HS2ST1: variants seen among roughly 807,000 people sequenced by gnomAD.
HS2ST1 encodes the protein heparan sulfate 2-O-sulfotransferase 1, also known as 2-O-sulfotransferase.
Under a neutral mutation model 42.9 loss-of-function variants are expected in HS2ST1, and 18 were observed. The observed-to-expected ratio is 0.42, with a 90% CI of 0.29 to 0.62. The LOEUF is 0.62. HS2ST1 is among the 20% of genes least tolerant of loss of function. The pLI is 0.21. For synonymous variants in HS2ST1, 146 were observed against 152.9 expected (o/e 0.95, Z 0.33); for missense variants, 334 against 433.8 (o/e 0.77, Z 2.04).
chr1:86,936,456 T>C (rs904883334), intron 1 of HS2ST1, among the ~76,000 whole-genome samples: 1 of 152,186 alleles, frequency 6.6e-6, no homozygotes, highest in Non-Finnish European at 1.5e-5. Flanking sequence ...TTCTCTAATA[T>C]CTGACATTAA....
chr1:86,989,507 G>A (rs143392042), intron 1 of HS2ST1, among the ~76,000 whole-genome samples: 2 of 152,252 alleles, frequency 1.3e-5, no homozygotes, highest in African/African-American at 4.8e-5. Flanking sequence ...TAAAAATATT[G>A]CAACATTTTT....
intron 1 of HS2ST1, among the ~76,000 whole-genome samples, chr1:86,951,781 AC>A (rs1647527425): frequency 1.3e-5 from 2 of 151,950 alleles, no homozygotes; most frequent in Non-Finnish European, 2.9e-5. Flanking sequence ...TCAATCTCAA[AC>A]CCTGATGCTG....
At chr1:86,970,164 A>C (rs1648188535) in intron 1 of HS2ST1, among the ~76,000 whole-genome samples, 1 of 152,122 alleles carries the variant, frequency 6.6e-6, no homozygotes. Flanking sequence ...TAAAGAGACA[A>C]CTTTAACATT....
At chr1:87,091,289 G>A (rs549765462) in intron 3 of HS2ST1, among the ~76,000 whole-genome samples, 1 of 152,092 alleles carries the variant, frequency 6.6e-6, no homozygotes, top group South Asian at 2.1e-4. Flanking sequence ...AAGAGAAATA[G>A]AATAAGTATT....
chr1:87,045,662 C>T (rs1650635241), intron 1 of HS2ST1: 2 of 775,208 alleles, frequency 2.6e-6, no homozygotes, highest in Non-Finnish European at 4.8e-6. Flanking sequence ...ATACTGTCAA[C>T]CCAGCAATCA....
In HS2ST1 at chr1:86,978,079, A is replaced by T. The variant is rs762444545; in HGVS notation, c.124+62919A>T. Among the ~76,000 whole-genome samples the T allele has an allele frequency of 1.3e-3, 204 of 152,320 alleles. 2 individuals carry two copies. The highest frequency in any genetic ancestry group is 2.3e-3 in the Non-Finnish European group (154 of 68,020). ...GATACACAAGTACCATTGTGTTACAATTGCCTAAATTTAGTACAGTAACAT... is the reference window on the plus strand; with the variant it reads ...GATACACAAGTACCATTGTGTTACATTTGCCTAAATTTAGTACAGTAACAT... On this transcript the variant is annotated intron_variant, in intron 1 of 6. Transcript: ENST00000370550.
rs530688468 is a variant in HS2ST1, at chr1:86,954,445, T to TA, written c.124+39292dup. Among the ~76,000 whole-genome samples, 571 of 152,306 alleles carry TA rather than the reference T, an allele frequency of 3.7e-3. 7 individuals are homozygous for TA. The highest frequency in any genetic ancestry group is 0.017 in the Middle Eastern group (5 of 294). On this transcript the variant is annotated intron_variant, in intron 1 of 6. Coordinates refer to ENST00000370550, the MANE Select transcript of HS2ST1 (RefSeq NM_012262.4). ...TAGGTTCTTGAATTAAGATTTATGATAAAAAAAGACGTTGATTTGAGAATA... is the reference window on the plus strand; with the variant it reads ...TAGGTTCTTGAATTAAGATTTATGATAAAAAAAAGACGTTGATTTGAGAATA...
At chr1:87,001,296 T>C (rs1157447135) in intron 1 of HS2ST1, among the ~76,000 whole-genome samples, 3 of 152,186 alleles carry the variant, frequency 2.0e-5, no homozygotes, top group Non-Finnish European at 4.4e-5. Context: ...CCATGTAATC[T>C]TCGGGTTAAA....
intron 1 of HS2ST1, among the ~76,000 whole-genome samples, chr1:87,058,452 G>GTT (rs201520079): frequency 6.7e-6 from 1 of 149,462 alleles, no homozygotes; most frequent in South Asian, 2.1e-4. Context: ...GTTTTGTTTT[G>GTT]TTTTTTTTTA....
At chr1:87,053,296 G>C (rs1170286564) in intron 1 of HS2ST1, among the ~76,000 whole-genome samples, 1 of 152,018 alleles carries the variant, frequency 6.6e-6, no homozygotes, top group African/African-American at 2.4e-5. Flanking sequence ...TAATCTTCTT[G>C]GTATGATATT....
chr1:87,073,002 G>T lies in HS2ST1; in HGVS notation c.193G>T (p.Asp65Tyr). ...ACATACAATGGATGGCCCTCGGCAA[G>T]ATGCCACTTTAGATGAGGAAGAGGA... ...QRHTMDGPRQ[D>Y]ATLDEEEDMV... Residue 65 changes from aspartate to tyrosine, a missense_variant, in exon 2 of 7, where the codon GAT (aspartate) becomes TAT (tyrosine). Coordinates refer to ENST00000370550, the MANE Select transcript of HS2ST1 (RefSeq NM_012262.4). 6.2e-7 allele frequency: 1 copy of T among 1,614,110 alleles called. No homozygotes were observed. Among genetic ancestry groups the T allele is most frequent in the Non-Finnish European group, 8.5e-7 (1 of 1,180,000 alleles).
intron 4 of HS2ST1, among the ~76,000 whole-genome samples, 195 bp from the exon 5 acceptor site, chr1:87,097,643 C>T (rs924708916): frequency 6.6e-6 from 1 of 152,292 alleles, no homozygotes; most frequent in Non-Finnish European, 1.5e-5. Context: ...CTGCCCGCCT[C>T]GGCCTCCCAA....
intron 2 of HS2ST1, among the ~76,000 whole-genome samples, chr1:87,079,864 C>CAA (rs1224652167): frequency 1.2e-4 from 11 of 95,500 alleles, no homozygotes; most frequent in African/African-American, 2.3e-4. Context: ...AACAACTCTA[C>CAA]AAAAAAAAAA....
chr1:87,045,666 G>C (rs970541692), intron 1 of HS2ST1: 1 of 774,106 alleles, frequency 1.3e-6, no homozygotes, highest in African/African-American at 1.7e-5. Flanking sequence ...TGTCAACCCA[G>C]CAATCACTGC....
intron 1 of HS2ST1, among the ~76,000 whole-genome samples, chr1:87,004,409 T>A (rs898372667): frequency 6.6e-6 from 1 of 152,056 alleles, no homozygotes; most frequent in African/African-American, 2.4e-5. Context: ...TGAACAAATA[T>A]ATATATAAGC....
intron 1 of HS2ST1, among the ~76,000 whole-genome samples, chr1:86,965,633 G>A (rs946595556): frequency 6.6e-6 from 1 of 152,016 alleles, no homozygotes; most frequent in South Asian, 2.1e-4. Context: ...GTCTTGGGGT[G>A]GAGGTGGGAG....
chr1:87,060,486 C>A (rs1302586857), intron 1 of HS2ST1, among the ~76,000 whole-genome samples: 1 of 152,068 alleles, frequency 6.6e-6, no homozygotes, highest in Non-Finnish European at 1.5e-5. Flanking sequence ...ATCCTGACAT[C>A]AGTAAACAGC....
At chr1:86,951,219 G>T (rs997906376) in intron 1 of HS2ST1, among the ~76,000 whole-genome samples, 1 of 152,122 alleles carries the variant, frequency 6.6e-6, no homozygotes, top group African/African-American at 2.4e-5. Context: ...CCCCCACCAT[G>T]CATAGTCTCA....
At chr1:87,015,417 G>A (rs1444992159) in intron 1 of HS2ST1, among the ~76,000 whole-genome samples, 7 of 143,962 alleles carry the variant, frequency 4.9e-5, no homozygotes, top group South Asian at 2.2e-4. Flanking sequence ...GCGCAATCTC[G>A]GCTCACTGCA....
Sources: allele counts gnomAD v4.1 joint callset (sites outside exome capture counted in the v4.1 genomes callset), GRCh38; gene constraint gnomAD v4.1.1; transcripts MANE v1.5; gene names NCBI Gene and HGNC (gene_info 2026-07-23, HGNC 2026-07-21).